CACNA1A: variants seen among roughly 807,000 people sequenced by gnomAD.
CACNA1A encodes calcium voltage-gated channel subunit alpha1 A.
Under a neutral mutation model 262.4 loss-of-function variants are expected in CACNA1A, and 57 were observed. The observed-to-expected ratio is 0.22, with a 90% CI of 0.18 to 0.27. CACNA1A has a LOEUF of 0.27. Among genes scored for constraint, CACNA1A ranks in the 10% least tolerant of loss-of-function variants. The pLI, the probability that CACNA1A is intolerant of heterozygous loss-of-function variation, is 1.00. For missense variants in CACNA1A, 2,526 were observed against 3,562.8 expected, an observed-to-expected ratio of 0.71 and a Z score of 7.41; for synonymous variants, 1,431 against 1,419.3, an observed-to-expected ratio of 1.01 and a Z score of -0.18.
intron 6 of CACNA1A, among the ~76,000 whole-genome samples, chr19:13,347,896 C>T (rs977650481): frequency 2.6e-5 from 4 of 151,950 alleles, no homozygotes; most frequent in Non-Finnish European, 2.9e-5. Flanking sequence ...CCAGGGGACA[C>T]GCATTTATTT....
chr19:13,259,910 G>C, intron 26 of CACNA1A: 1 of 558,164 alleles, frequency 1.8e-6, no homozygotes, highest in South Asian at 2.0e-5. Flanking sequence ...ATCCATGGGT[G>C]ATGGCACAAC....
intron 3 of CACNA1A, among the ~76,000 whole-genome samples, chr19:13,386,911 G>A (rs1426532012): frequency 1.3e-5 from 2 of 152,134 alleles, no homozygotes; most frequent in Non-Finnish European, 2.9e-5. Flanking sequence ...TGGAGACATT[G>A]TTGAGCCAAG....
chr19:13,270,355 AC>A (rs1024627893), intron 24 of CACNA1A, among the ~76,000 whole-genome samples: 100 of 142,706 alleles, frequency 7.0e-4, no homozygotes, highest in African/African-American at 2.6e-3. Context: ...TGCACAGAGG[AC>A]AGACAAAGCA....
At chr19:13,435,104 T>A (rs955058661) in intron 3 of CACNA1A, among the ~76,000 whole-genome samples, 5 of 151,312 alleles carry the variant, frequency 3.3e-5, no homozygotes, top group African/African-American at 1.2e-4. Context: ...ATTTTTTTTT[T>A]TAATTTTTTA....
intron 3 of CACNA1A, among the ~76,000 whole-genome samples, chr19:13,417,987 T>C (rs1007004268): frequency 1.3e-5 from 2 of 150,390 alleles, no homozygotes; most frequent in Admixed American, 6.7e-5. Context: ...CCCGGCCCCA[T>C]GTTCTTTTCC....
At chr19:13,456,081 T>C (rs1194545595) in intron 1 of CACNA1A, among the ~76,000 whole-genome samples, 2 of 149,860 alleles carry the variant, frequency 1.3e-5, no homozygotes, top group African/African-American at 4.9e-5. Flanking sequence ...ACCTGGGAGG[T>C]GGAGGTTGCA....
rs573530895 is a variant in CACNA1A, at chr19:13,458,248, T to C, written c.294-3036A>G. 3.9e-5 allele frequency among the ~76,000 whole-genome samples: 6 copies of C among 152,212 alleles called. No individual in the cohort carries two copies. The South Asian group carries it at 1.2e-3, about 32-fold the overall frequency. On this transcript the variant is annotated intron_variant, in intron 1 of 46. Coordinates refer to ENST00000360228, the MANE Select transcript of CACNA1A (RefSeq NM_001127222.2). ...GATCATAGCTCACCGCAGCCTTGAA[T>C]TCCTAGGCTCAAACGATCCTCCTGC...
chr19:13,445,529 T>C (rs75148188), intron 3 of CACNA1A, among the ~76,000 whole-genome samples: 11,756 of 152,248 alleles, frequency 0.077, 570 homozygotes, highest in Non-Finnish European at 0.11. Flanking sequence ...GCATTTATTA[T>C]GTGAAAGGGA....
chr19:13,252,978 A>G lies in CACNA1A; in HGVS notation c.4866+13T>C, dbSNP rs368876802. 42 of 1,547,666 alleles carry G rather than the reference A, an allele frequency of 2.7e-5. No individual in the cohort carries two copies. The African/African-American group carries it at 5.6e-4, about 20-fold the overall frequency. Reference sequence around the variant, plus strand: ...TCCCAAGCCCATAGCTGTAGCCCCAAGGTGGTACTTACCAGAATCCCAAAA... The same window carrying G: ...TCCCAAGCCCATAGCTGTAGCCCCAGGGTGGTACTTACCAGAATCCCAAAA... On this transcript the variant is annotated intron_variant, in intron 30 of 46. Coordinates refer to ENST00000360228, the MANE Select transcript of CACNA1A (RefSeq NM_001127222.2).
At chr19:13,331,343 T>G (rs1490416256) in intron 9 of CACNA1A, among the ~76,000 whole-genome samples, 1 of 152,014 alleles carries the variant, frequency 6.6e-6, no homozygotes, top group Non-Finnish European at 1.5e-5. Context: ...TTCAAGCAAT[T>G]CTCGTAGTTT....
intron 3 of CACNA1A, among the ~76,000 whole-genome samples, chr19:13,384,682 G>A (rs1261720664): frequency 6.6e-6 from 1 of 152,100 alleles, no homozygotes; most frequent in Non-Finnish European, 1.5e-5. Flanking sequence ...CCTAGGTGAT[G>A]AGAGTGAAAC....
intron 19 of CACNA1A, among the ~76,000 whole-genome samples, chr19:13,292,663 C>T (rs2057569777): frequency 6.6e-6 from 1 of 151,886 alleles, no homozygotes; most frequent in Non-Finnish European, 1.5e-5. Flanking sequence ...ACACAGGGTA[C>T]GTTTGCAAAA....
chr19:13,206,948 T>G lies in CACNA1A; in HGVS notation c.*365A>C, dbSNP rs1187533290. 1.5e-4 allele frequency: 4 copies of G among 26,398 alleles called. No homozygotes were observed. Among genetic ancestry groups the G allele is most frequent in the Admixed American group, 7.1e-4 (2 of 2,818 alleles). 1.6% of individuals were successfully genotyped at this position (26,398 alleles called of 1,614,324 possible). On this transcript the variant is annotated 3_prime_UTR_variant, in exon 47 of 47. Transcript: ENST00000360228. ...CCCGTTTTTTCTTTTAAAAATGTTT[T>G]TTTTTTTTTTTTTTTTTTTTTTTTT...
intron 3 of CACNA1A, among the ~76,000 whole-genome samples, chr19:13,429,023 C>T (rs2060453133): frequency 1.3e-5 from 2 of 151,948 alleles, no homozygotes; most frequent in Admixed American, 6.6e-5. Flanking sequence ...CCTATGAATC[C>T]CCCCACCACC....
At chr19:13,406,777 T>C (rs2060019424) in intron 3 of CACNA1A, among the ~76,000 whole-genome samples, 1 of 151,630 alleles carries the variant, frequency 6.6e-6, no homozygotes, top group Non-Finnish European at 1.5e-5. Flanking sequence ...TCCTTCTAAA[T>C]AAAAAGCTAA....
In CACNA1A at chr19:13,207,671, G is replaced by C; in HGVS notation, c.7163C>G (p.Ala2388Gly). 1 of 1,430,146 alleles carries C rather than the reference G, an allele frequency of 7.0e-7. No individual in the cohort carries two copies. Among genetic ancestry groups the C allele is most frequent in the Non-Finnish European group, 9.2e-7 (1 of 1,090,994 alleles). 88.6% of individuals were successfully genotyped at this position (1,430,146 alleles called of 1,614,324 possible). A position where few individuals can be genotyped will look rare whatever the true frequency, so the allele number is the denominator to read the frequency against. The change falls in exon 47 of 47, where the codon GCC becomes GGC. Residue 2388 changes from alanine (A) to glycine (G), a missense_variant. By Grantham distance (60) the Ala-to-Gly change is moderately conservative. Coordinates refer to ENST00000360228, the MANE Select transcript of CACNA1A (RefSeq NM_001127222.2). This position sits in a 1 kb window ranked among gnomAD's most constrained non-coding sequence, Gnocchi z 5.7. ...ESPRACRHGGARWPASGPHVS... is the reference protein window; with the variant it reads ...ESPRACRHGGGRWPASGPHVS... ...GTGCGGGCCAGATGCCGGCCACCGG[G>C]CCCCGCCGTGTCGACAGGCCCTGGG...
rs117404880 is a variant in CACNA1A at position 13,262,422 on chromosome 19, T to A, written c.4089+312A>T. The A allele has an allele frequency of 2.5e-5, 6 of 238,490 alleles. No individual in the cohort carries two copies. In the East Asian group the frequency reaches 5.3e-4, roughly 21 times the overall value. The allele number at this position is 238,490 out of a possible 1,614,324, so 14.8% of individuals were successfully genotyped here. ...AATTTTATGGAACAAGAAATCTAGT[T>A]CCTGCTTCCCAGATCACGGTTATAC... On this transcript the variant is annotated intron_variant, in intron 25 of 46. Transcript: ENST00000360228.
rs2056086491 is a variant in CACNA1A, at chr19:13,241,659, G to A, written c.4950+3523C>T. 3.0e-6 allele frequency: 2 copies of A among 666,470 alleles called. No individual in the cohort carries two copies. Among genetic ancestry groups the A allele is most frequent in the Non-Finnish European group, 5.5e-6 (2 of 365,220 alleles). The allele number at this position is 666,470 out of a possible 1,614,324, so 41.3% of individuals were successfully genotyped here. ...GGTTTCGGTTCCCGGGCGGGGAGTG[G>A]GGGTGGTGGTGGCGGTGGGTTGGGA... On this transcript the variant is annotated intron_variant, in intron 31 of 46. Coordinates refer to ENST00000360228, the MANE Select transcript of CACNA1A (RefSeq NM_001127222.2). The surrounding 1 kb of genome is among the most constrained non-coding windows in gnomAD (Gnocchi z 4.0).
At chr19:13,307,045 C>A (rs1323395814) in intron 15 of CACNA1A, among the ~76,000 whole-genome samples, 2 of 152,048 alleles carry the variant, frequency 1.3e-5, no homozygotes, top group African/African-American at 4.8e-5. Flanking sequence ...TTACTGCAGC[C>A]TCAACCTCCT....
Sources: gnomAD v4.1 joint callset for allele counts (sites outside exome capture counted in the v4.1 genomes callset) on GRCh38, gnomAD v4.1.1 for gene constraint, Gnocchi (gnomAD v3.1) non-coding constraint, MANE v1.5 for transcripts, NCBI Gene and HGNC (gene_info 2026-07-23, HGNC 2026-07-21) for gene names.